Variants in CYP11A1 observed in about 807,000 individuals in gnomAD.
CYP11A1 encodes cytochrome P450 family 11 subfamily A member 1.
In CYP11A1, 25 loss-of-function variants were observed where a neutral mutation model predicts 51.9. The ratio of observed to expected loss-of-function variants is 0.48; its 90% confidence interval spans 0.35 to 0.67. The LOEUF is 0.67. CYP11A1 is among the 30% of genes least tolerant of loss of function. The pLI is 0.00. For missense variants in CYP11A1, 578 were observed against 680.9 expected, an observed-to-expected ratio of 0.85 and a Z score of 1.68; for synonymous variants, 245 against 262.1, an observed-to-expected ratio of 0.93 and a Z score of 0.63.
Position 74,339,557 on chromosome 15 carries a change from TG to T in CYP11A1, c.1157+29del, listed in dbSNP as rs756852433. ...CCTGGCCCTGCCCAGGGATTGGAGT[TG>T]GGGGCGGCATGGGTGGTTGTGGGCT... On this transcript the variant is annotated intron_variant, in intron 6 of 8. Coordinates refer to ENST00000268053, the MANE Select transcript of CYP11A1 (RefSeq NM_000781.3). 3 of 1,607,720 alleles carry T rather than the reference TG, an allele frequency of 1.9e-6. No homozygotes were observed. In the African/African-American group the frequency reaches 4.0e-5, roughly 21 times the overall value.
At chr15:74,362,294 G>T in intron 1 of CYP11A1, 1 of 262,116 alleles carries the variant, frequency 3.8e-6, no homozygotes, top group Non-Finnish European at 7.2e-6. Flanking sequence ...AAAGCTTCAG[G>T]TATATTTGGT....
At chr15:74,343,756 C>T in intron 4 of CYP11A1, 33 bp downstream of exon 4, 4 of 1,589,094 alleles carry the variant, frequency 2.5e-6, no homozygotes, top group South Asian at 1.1e-5. Flanking sequence ...CCTGGGGCTC[C>T]GAGGAGGAGA....
chr15:74,367,196 A>T, intron 1 of CYP11A1, 121 bp downstream of exon 1: 13 of 926,488 alleles, frequency 1.4e-5, no homozygotes, highest in Non-Finnish European at 2.0e-5. Flanking sequence ...AAAAAAAAAA[A>T]GAAGTTAGAC....
intron 1 of CYP11A1, among the ~76,000 whole-genome samples, chr15:74,352,740 A>G (rs911015670): frequency 6.6e-6 from 1 of 152,246 alleles, no homozygotes; most frequent in African/African-American, 2.4e-5. Context: ...AAAGCCTCCA[A>G]GCCCACTCCT....
intron 1 of CYP11A1, among the ~76,000 whole-genome samples, chr15:74,364,909 G>A (rs2060725146): frequency 6.6e-6 from 1 of 152,108 alleles, no homozygotes; most frequent in African/African-American, 2.4e-5. Context: ...CGGGGTGGGG[G>A]GAGCTCCCTG....
chr15:74,365,179 A>C, intron 1 of CYP11A1, among the ~76,000 whole-genome samples: 1 of 146,676 alleles, frequency 6.8e-6, no homozygotes, highest in African/African-American at 2.5e-5. Context: ...CCCCTGCGCC[A>C]CCTCCGTTCC....
intron 1 of CYP11A1, chr15:74,348,383 G>A: frequency 2.7e-6 from 1 of 376,262 alleles, no homozygotes; most frequent in Non-Finnish European, 5.0e-6. Context: ...AGCCTTCCAT[G>A]GACCAGCAAG....
rs776437425 is a variant in CYP11A1 at position 74,367,311 on chromosome 15, G to C, written c.269+6C>G. 1 of 1,614,164 alleles carries C rather than the reference G, an allele frequency of 6.2e-7. No individual in the cohort carries two copies. The highest frequency in any genetic ancestry group is 8.5e-7 in the Non-Finnish European group (1 of 1,180,044). Reference sequence around the variant, plus strand: ...CCCTTCGGCTCCCACCCTCTGCCAGGCTTACCTGTAAATCGGGCCATACTT... The same window carrying C: ...CCCTTCGGCTCCCACCCTCTGCCAGCCTTACCTGTAAATCGGGCCATACTT... On this transcript the variant is annotated splice_donor_region_variant and intron_variant, in intron 1 of 8. Transcript: ENST00000268053.
intron 1 of CYP11A1, among the ~76,000 whole-genome samples, chr15:74,350,001 A>T (rs946157786): frequency 1.3e-5 from 2 of 152,194 alleles, no homozygotes; most frequent in African/African-American, 4.8e-5. Flanking sequence ...AAGAAGATAT[A>T]AATAAACGAA....
chr15:74,344,046 C>T (rs1261967869), intron 3 of CYP11A1, 54 bp from the exon 4 acceptor site: 3 of 1,490,846 alleles, frequency 2.0e-6, no homozygotes, highest in Non-Finnish European at 2.8e-6. Flanking sequence ...CATCTGAGAG[C>T]CACAACTCCC....
chr15:74,346,041 C>T (rs911645081), intron 2 of CYP11A1, among the ~76,000 whole-genome samples: 1 of 152,116 alleles, frequency 6.6e-6, no homozygotes, highest in Non-Finnish European at 1.5e-5. Flanking sequence ...AAAATATATA[C>T]TAGTGTTTAA....
intron 1 of CYP11A1, among the ~76,000 whole-genome samples, chr15:74,358,055 G>A (rs2060689277): frequency 6.6e-6 from 1 of 152,204 alleles, no homozygotes; most frequent in Non-Finnish European, 1.5e-5. Context: ...TGTATGGGCT[G>A]AAAGAGGTCT....
rs59000785 is a variant in CYP11A1, at chr15:74,354,874, G to A, written c.270-6819C>T. On this transcript the variant is annotated intron_variant, in intron 1 of 8. Coordinates refer to ENST00000268053, the MANE Select transcript of CYP11A1 (RefSeq NM_000781.3). ...AAACTCCAGCGCTGGTCACAGACTC[G>A]GGAAGACAGTCTTCCCTTGGTGTTT... 4.5e-3 allele frequency among the ~76,000 whole-genome samples: 691 copies of A among 152,230 alleles called. 5 individuals are homozygous for A. Among genetic ancestry groups the A allele is most frequent in the African/African-American group, 0.016 (644 of 41,520 alleles).
In CYP11A1 at chr15:74,338,590, A is replaced by G; in HGVS notation, c.1415T>C (p.Met472Thr). The change falls in exon 8 of 9, where the codon ATG (methionine) becomes ACG (threonine). Residue 472 changes from methionine (M) to threonine (T), a missense_variant. Met to Thr is a moderately conservative substitution (Grantham distance 81). Transcript: ENST00000268053. Reference protein sequence around the residue: ...CLGRRIAELEMTIFLINMLEN... With the variant: ...CLGRRIAELETTIFLINMLEN... ...ACTCACATTGATGAGGAAGATGGTC[A>G]TCTCTAGCTCAGCGATCCGCCGTCC... 6.2e-7 allele frequency: 1 copy of G among 1,614,126 alleles called. No individual in the cohort carries two copies. Among genetic ancestry groups the G allele is most frequent in the South Asian group, 1.1e-5 (1 of 91,084 alleles).
intron 1 of CYP11A1, 133 bp downstream of exon 1, chr15:74,367,184 A>G: frequency 1.2e-6 from 1 of 806,918 alleles, no homozygotes; most frequent in Non-Finnish European, 1.8e-6. Flanking sequence ...TTACCAAAAA[A>G]AAAAAAAAAA....
chr15:74,341,017 G>T (rs2060604661), intron 5 of CYP11A1, among the ~76,000 whole-genome samples: 1 of 152,202 alleles, frequency 6.6e-6, no homozygotes, highest in Non-Finnish European at 1.5e-5. Context: ...ATTCATCTCA[G>T]TACTGCCAAG....
At chr15:74,364,541 C>T (rs1397710110) in intron 1 of CYP11A1, 1 of 152,200 alleles carries the variant, frequency 6.6e-6, no homozygotes, top group Non-Finnish European at 1.5e-5. Context: ...GTAACGGGAC[C>T]TTTGAGCCCC....
rs2141229453 is a variant in CYP11A1 at position 74,337,900 on chromosome 15, T to G, written c.*72A>C. 6.2e-7 allele frequency: 1 copy of G among 1,601,682 alleles called. No individual in the cohort carries two copies. The highest frequency in any genetic ancestry group is 1.7e-5 in the Admixed American group (1 of 59,752). Reference sequence around the variant, plus strand: ...AGGAGCAGGACTTGGGACAGACGACTGAAGATGCAGAGACCCCATGGGCCC... The same window carrying G: ...AGGAGCAGGACTTGGGACAGACGACGGAAGATGCAGAGACCCCATGGGCCC... On this transcript the variant is annotated 3_prime_UTR_variant, in exon 9 of 9. Coordinates refer to ENST00000268053, the MANE Select transcript of CYP11A1 (RefSeq NM_000781.3).
chr15:74,361,655 C>T (rs1247940977), intron 1 of CYP11A1: 17 of 1,203,774 alleles, frequency 1.4e-5, no homozygotes, highest in African/African-American at 4.5e-5. Context: ...CAGCAGAAAA[C>T]TTTCATGCTC....
Sources: gnomAD v4.1 joint callset for allele counts (sites outside exome capture counted in the v4.1 genomes callset) on GRCh38, gnomAD v4.1.1 for gene constraint, MANE v1.5 for transcripts, NCBI Gene and HGNC (gene_info 2026-07-23, HGNC 2026-07-21) for gene names.